The following ARMH4 variants were observed in gnomAD, a reference collection of about 807,000 sequenced individuals.
The protein encoded by ARMH4 is armadillo like helical domain containing 4, also known as armadillo-like helical domain-containing protein 4.
A neutral mutation model predicts 61.9 loss-of-function variants in ARMH4; 49 were observed. The observed-to-expected ratio is 0.79, with a 90% CI of 0.63 to 1.00. The LOEUF (loss-of-function observed/expected upper bound fraction) is 1.00. Ranked by LOEUF, ARMH4 falls within the 50% of genes least tolerant of loss-of-function variation. ARMH4 has a pLI of 0.00. For synonymous variants in ARMH4, 368 were observed against 341.5 expected, an observed-to-expected ratio of 1.08 and a Z score of -0.85; for missense variants, 934 against 930.0, an observed-to-expected ratio of 1.00 and a Z score of -0.06.
chr14:58,006,226 G>A (rs1026322197), intron 6 of ARMH4, among the ~76,000 whole-genome samples: 3 of 152,130 alleles, frequency 2.0e-5, no homozygotes, highest in African/African-American at 7.2e-5. Context: ...GGGAACACAG[G>A]TAATGGTTTG....
intron 5 of ARMH4, among the ~76,000 whole-genome samples, chr14:58,088,180 C>A (rs1033222093): frequency 3.3e-5 from 5 of 152,142 alleles, no homozygotes; most frequent in African/African-American, 1.2e-4. Context: ...TCAGGCAATA[C>A]GTGCATTTAA....
chr14:58,142,812 T>C (rs1887609805), intron 1 of ARMH4, among the ~76,000 whole-genome samples: 1 of 152,012 alleles, frequency 6.6e-6, no homozygotes, highest in Admixed American at 6.6e-5. Flanking sequence ...AGGCTGGACT[T>C]GAACTCCTGG....
intron 2 of ARMH4, among the ~76,000 whole-genome samples, chr14:58,136,327 A>G (rs1472309746): frequency 6.6e-6 from 1 of 152,198 alleles, no homozygotes; most frequent in African/African-American, 2.4e-5. Flanking sequence ...TCAATTGTGC[A>G]GTGAACAATC....
intron 4 of ARMH4, among the ~76,000 whole-genome samples, chr14:58,111,557 C>T (rs1886352303): frequency 6.6e-6 from 1 of 152,206 alleles, no homozygotes. Context: ...AAGATCAAGG[C>T]ACCAGCCAGG....
intron 5 of ARMH4, among the ~76,000 whole-genome samples, chr14:58,045,116 A>G (rs1402462480): frequency 1.3e-5 from 2 of 152,250 alleles, no homozygotes; most frequent in African/African-American, 4.8e-5. Flanking sequence ...TACTGGGTAT[A>G]TACCCAAAGG....
At chr14:58,046,733 GCA>G (rs1395466403) in intron 5 of ARMH4, among the ~76,000 whole-genome samples, 1 of 152,214 alleles carries the variant, frequency 6.6e-6, no homozygotes, top group Non-Finnish European at 1.5e-5. Context: ...CATTTGGGAA[GCA>G]CAGAGTGGTC....
chr14:58,124,092 G>C (rs1354623001), intron 4 of ARMH4, among the ~76,000 whole-genome samples: 1 of 152,140 alleles, frequency 6.6e-6, no homozygotes, highest in Non-Finnish European at 1.5e-5. Flanking sequence ...TGGCATAACA[G>C]GTTTCTGCCA....
intron 4 of ARMH4, among the ~76,000 whole-genome samples, chr14:58,105,468 G>A (rs977803455): frequency 2.6e-5 from 4 of 151,964 alleles, no homozygotes; most frequent in African/African-American, 7.3e-5. Flanking sequence ...GGTGGATCAC[G>A]ACGAGGTCAG....
Position 58,005,171 on chromosome 14 carries a change from C to T in ARMH4, c.2133G>A (p.Met711Ile), listed in dbSNP as rs748712071. Residue 711 changes from methionine to isoleucine, a missense_variant, in exon 7 of 8, where the codon ATG becomes ATA. Transcript: ENST00000267485. The part of the protein sequence containing the change: ...MEKLKDKAGY[M>I]SGMLVPVGVG... ...CCCCTACAGGCACCAGCATCCCAGACATGTAACCAGCCTGCATAGAAAAGG... is the reference window on the plus strand; with the variant it reads ...CCCCTACAGGCACCAGCATCCCAGATATGTAACCAGCCTGCATAGAAAAGG... The T allele has an allele frequency of 1.6e-5, 26 of 1,613,846 alleles. No individual in the cohort carries two copies. Among genetic ancestry groups the T allele is most frequent in the Non-Finnish European group, 2.2e-5 (26 of 1,179,896 alleles).
intron 5 of ARMH4, among the ~76,000 whole-genome samples, chr14:58,025,093 G>T (rs911870653): frequency 3.9e-5 from 6 of 152,114 alleles, no homozygotes; most frequent in Non-Finnish European, 8.8e-5. Flanking sequence ...TTGAGTGCAG[G>T]TTGCCACGAA....
intron 4 of ARMH4, among the ~76,000 whole-genome samples, chr14:58,104,321 T>C (rs1886097883): frequency 5.3e-5 from 8 of 152,238 alleles, no homozygotes; most frequent in Admixed American, 4.6e-4. Context: ...GAAAGCTTTC[T>C]CCTTGTACTA....
intron 5 of ARMH4, among the ~76,000 whole-genome samples, chr14:58,046,560 G>A (rs1346980537): frequency 6.6e-6 from 1 of 152,168 alleles, no homozygotes; most frequent in Non-Finnish European, 1.5e-5. Context: ...ACTTCAAAGA[G>A]CCCAAACCTG....
At position 58,138,112 on chromosome 14, in the gene ARMH4, T is replaced by C. The variant is rs769391877; in HGVS notation, c.1247A>G (p.Gln416Arg). The C allele has an allele frequency of 6.2e-7, 1 of 1,614,228 alleles. No individual in the cohort carries two copies. Among genetic ancestry groups the C allele is most frequent in the South Asian group, 1.1e-5 (1 of 91,082 alleles). ...DMKVSIVNLL[Q>R]STGDFTESTK... ...GGATTCCGTGAAGTCTCCCGTACTTTGGAGCAAGTTCACAATGGAAACTTT... is the reference window on the plus strand; with the variant it reads ...GGATTCCGTGAAGTCTCCCGTACTTCGGAGCAAGTTCACAATGGAAACTTT... The change falls in exon 2 of 8, where the codon CAA becomes CGA. Residue 416 changes from glutamine (Q) to arginine (R), a missense_variant. Physicochemically the swap from Gln to Arg is conservative, Grantham distance 43. Coordinates refer to ENST00000267485, the MANE Select transcript of ARMH4 (RefSeq NM_001001872.4).
At chr14:58,068,878 G>A (rs980984808) in intron 5 of ARMH4, among the ~76,000 whole-genome samples, 8 of 151,784 alleles carry the variant, frequency 5.3e-5, no homozygotes, top group East Asian at 3.9e-4. Context: ...ATGGTGGTGC[G>A]CACCTGTAAT....
At chr14:58,141,958 G>T (rs963207174) in intron 1 of ARMH4, among the ~76,000 whole-genome samples, 2 of 151,922 alleles carry the variant, frequency 1.3e-5, no homozygotes, top group African/African-American at 4.8e-5. Context: ...ATTATTATAA[G>T]ATAAAAAAAT....
chr14:58,146,742 G>A (rs867998821), intron 1 of ARMH4, among the ~76,000 whole-genome samples: 1 of 152,210 alleles, frequency 6.6e-6, no homozygotes, highest in South Asian at 2.1e-4. Context: ...ATCAGATTTT[G>A]TAAGCACTTG....
rs768251530 is a variant in ARMH4 at position 58,139,108 on chromosome 14, G to C, written c.251C>G (p.Thr84Arg). ...AATCGAGAATGCTTTATTTAATGATGTTGCCGATGGTACTGCTGACATCAT... is the reference window on the plus strand; with the variant it reads ...AATCGAGAATGCTTTATTTAATGATCTTGCCGATGGTACTGCTGACATCAT... ...PMMMSAVPSA[T>R]SLNKAFSINK... The change falls in exon 2 of 8, where the codon ACA (threonine) becomes AGA (arginine). Residue 84 changes from threonine to arginine, a missense_variant. By Grantham distance (71) the Thr-to-Arg change is moderately conservative. Transcript: ENST00000267485. 6.2e-7 allele frequency: 1 copy of C among 1,614,144 alleles called. No homozygotes were observed. Among genetic ancestry groups the C allele is most frequent in the Non-Finnish European group, 8.5e-7 (1 of 1,180,062 alleles).
chr14:58,007,278 C>A (rs557284666), intron 6 of ARMH4, among the ~76,000 whole-genome samples: 1 of 152,266 alleles, frequency 6.6e-6, no homozygotes, highest in East Asian at 1.9e-4. Context: ...AATATGTCAC[C>A]ATTTCTGCAT....
chr14:58,013,236 C>T (rs966347781), intron 5 of ARMH4, among the ~76,000 whole-genome samples: 3 of 152,170 alleles, frequency 2.0e-5, no homozygotes, highest in African/African-American at 7.2e-5. Flanking sequence ...AACTACTCAA[C>T]TCTGATGTTG....
Sources: allele counts gnomAD v4.1 joint callset (sites outside exome capture counted in the v4.1 genomes callset), GRCh38; gene constraint gnomAD v4.1.1; transcripts MANE v1.5; gene names NCBI Gene and HGNC (gene_info 2026-07-23, HGNC 2026-07-21).